Variants in BCAS1 observed in about 807,000 individuals in gnomAD.
BCAS1 encodes the protein brain enriched myelin associated protein 1.
In BCAS1, 46 loss-of-function variants were observed where a neutral mutation model predicts 65.4. The ratio of observed to expected loss-of-function variants is 0.70; its 90% confidence interval spans 0.55 to 0.90. The LOEUF (loss-of-function observed/expected upper bound fraction) is 0.90, where lower values mean the gene tolerates loss of function less well. Among genes scored for constraint, BCAS1 ranks in the 40% least tolerant of loss-of-function variants. BCAS1 has a pLI of 0.00. For synonymous variants in BCAS1, 298 were observed against 293.5 expected (o/e 1.02, Z -0.16); for missense variants, 793 against 771.2 (o/e 1.03, Z -0.33).
intron 11 of BCAS1, among the ~76,000 whole-genome samples, chr20:53,954,487 A>G (rs1389898257): frequency 6.6e-6 from 1 of 152,174 alleles, no homozygotes; most frequent in Non-Finnish European, 1.5e-5. Context: ...TCATAATTAC[A>G]TCTACCCTAA....
intron 10 of BCAS1, among the ~76,000 whole-genome samples, chr20:53,960,712 CCTCT>C (rs1375501045): frequency 6.6e-6 from 1 of 151,790 alleles, no homozygotes; most frequent in Non-Finnish European, 1.5e-5. Flanking sequence ...TTCCTCTCGT[CCTCT>C]CTCTCTCCCT....
rs143651969 is a variant in BCAS1, at chr20:54,041,855, T to TGCCACTGTGCCACTGC, written c.143-12884_143-12883insGCAGTGGCACAGTGGC. On this transcript the variant is annotated intron_variant, in intron 3 of 12. Coordinates refer to ENST00000688948, the MANE Select transcript of BCAS1 (RefSeq NM_001366298.2). ...CAGAGGTTGCAGTGAGCCGAGATTG[T>TGCCACTGTGCCACTGC]GCCACTGCACTCTAACCTGGGCAAC... Among the ~76,000 whole-genome samples the TGCCACTGTGCCACTGC allele has an allele frequency of 5.9e-3, 777 of 130,772 alleles. 6 individuals carry two copies. The highest frequency in any genetic ancestry group is 0.038 in the Middle Eastern group (8 of 212). 85.8% of individuals were successfully genotyped at this position (130,772 alleles called of 152,430 possible).
chr20:53,972,874 T>C (rs2145677415), intron 9 of BCAS1, among the ~76,000 whole-genome samples: 1 of 152,366 alleles, frequency 6.6e-6, no homozygotes, highest in South Asian at 2.1e-4. Context: ...GGCCTGAAGA[T>C]GATGGGATCA....
chr20:53,988,724 G>A (rs1468775391), intron 7 of BCAS1, among the ~76,000 whole-genome samples: 1 of 152,024 alleles, frequency 6.6e-6, no homozygotes, highest in Non-Finnish European at 1.5e-5. Flanking sequence ...ATTTCCCAAT[G>A]GTACTATCAA....
At chr20:54,008,867 A>G (rs949352031) in intron 4 of BCAS1, among the ~76,000 whole-genome samples, 2 of 151,550 alleles carry the variant, frequency 1.3e-5, no homozygotes, top group East Asian at 1.9e-4. Context: ...GTGTAATGGC[A>G]CAATGGCACA....
chr20:54,004,109 T>C (rs1210661292), intron 4 of BCAS1, among the ~76,000 whole-genome samples: 1 of 152,178 alleles, frequency 6.6e-6, no homozygotes, highest in Non-Finnish European at 1.5e-5. Flanking sequence ...TAACTTCTGA[T>C]GTGATGGTAT....
chr20:53,968,405 T>TAGG (rs1440556599), intron 9 of BCAS1, among the ~76,000 whole-genome samples: 1 of 152,176 alleles, frequency 6.6e-6, no homozygotes, highest in Non-Finnish European at 1.5e-5. Flanking sequence ...GAAGGGGACT[T>TAGG]AGTTATTTCC....
chr20:54,039,860 C>A (rs372693081), intron 3 of BCAS1, among the ~76,000 whole-genome samples: 1 of 151,326 alleles, frequency 6.6e-6, no homozygotes, highest in Non-Finnish European at 1.5e-5. Flanking sequence ...CACACAAACA[C>A]GTATAAGCAT....
chr20:54,050,107 C>T (rs1051675563), intron 3 of BCAS1, among the ~76,000 whole-genome samples: 1 of 152,142 alleles, frequency 6.6e-6, no homozygotes, highest in African/African-American at 2.4e-5. Context: ...CTCCATTCTC[C>T]AGCTTCCAGT....
intron 4 of BCAS1, among the ~76,000 whole-genome samples, chr20:54,027,211 A>T (rs1300530987): frequency 6.6e-6 from 1 of 152,236 alleles, no homozygotes; most frequent in Non-Finnish European, 1.5e-5. Flanking sequence ...TGACAGTAAG[A>T]GCCTAAAACA....
At chr20:53,995,439 G>A (rs1440703300) in intron 5 of BCAS1, among the ~76,000 whole-genome samples, 6 of 150,228 alleles carry the variant, frequency 4.0e-5, no homozygotes, top group Non-Finnish European at 8.9e-5. Flanking sequence ...TTTGAAAATA[G>A]CCCAAACACA....
intron 1 of BCAS1, among the ~76,000 whole-genome samples, chr20:54,065,243 A>G (rs934452684): frequency 1.3e-5 from 2 of 151,626 alleles, no homozygotes; most frequent in African/African-American, 4.8e-5. Flanking sequence ...TTTTGGTACC[A>G]ATTTTCCAGG....
intron 3 of BCAS1, among the ~76,000 whole-genome samples, chr20:54,036,740 T>C (rs1478581987): frequency 6.6e-6 from 1 of 151,494 alleles, no homozygotes; most frequent in Non-Finnish European, 1.5e-5. Context: ...GTTATACTAA[T>C]ATGTTATTAA....
At position 53,943,754 on chromosome 20, in the gene BCAS1, T is replaced by C. The variant is rs2089215403; in HGVS notation, c.*1168A>G. 2 of 152,046 alleles carry C rather than the reference T, an allele frequency of 1.3e-5. No homozygotes were observed. Among genetic ancestry groups the C allele is most frequent in the African/African-American group, 4.8e-5 (2 of 41,390 alleles). The allele number at this position is 152,046 out of a possible 1,614,324, so 9.4% of individuals were successfully genotyped here. A position where few individuals can be genotyped will look rare whatever the true frequency, so the allele number is the denominator to read the frequency against. ...ATGGGGAGGGTTTTATCAGAGCACA[T>C]CCTGAGAACATTAGGAATGACAGAC... On this transcript the variant is annotated 3_prime_UTR_variant, in exon 13 of 13. Transcript: ENST00000688948.
At chr20:54,008,394 G>A (rs1026670544) in intron 4 of BCAS1, among the ~76,000 whole-genome samples, 1 of 152,210 alleles carries the variant, frequency 6.6e-6, no homozygotes, top group Non-Finnish European at 1.5e-5. Context: ...CCACTGGGGT[G>A]GTGTGAGAAG....
chr20:54,007,342 T>C (rs1157317884), intron 4 of BCAS1, among the ~76,000 whole-genome samples: 2 of 152,176 alleles, frequency 1.3e-5, no homozygotes, highest in Non-Finnish European at 2.9e-5. Context: ...TACTAAAATA[T>C]CAAGTGGACC....
chr20:53,987,146 T>A (rs751298613), intron 7 of BCAS1, among the ~76,000 whole-genome samples: 1 of 152,216 alleles, frequency 6.6e-6, no homozygotes, highest in Non-Finnish European at 1.5e-5. Flanking sequence ...TACTATTTGA[T>A]GCAAGACACA....
intron 4 of BCAS1, among the ~76,000 whole-genome samples, chr20:54,007,143 T>C (rs2299721): frequency 0.1 from 15,232 of 152,202 alleles, 967 homozygotes; most frequent in East Asian, 0.31. Context: ...TGCTCCCCAG[T>C]GCTCATCACA....
At chr20:53,945,029 T>C (rs1334796216) in intron 12 of BCAS1, 33 bp from the exon 13 acceptor site, 14 of 1,593,200 alleles carry the variant, frequency 8.8e-6, no homozygotes, top group Non-Finnish European at 1.1e-5. Context: ...GGCAGCCTAT[T>C]GAAGCTCTGT....
Sources: allele counts gnomAD v4.1 joint callset (sites outside exome capture counted in the v4.1 genomes callset), GRCh38; gene constraint gnomAD v4.1.1; transcripts MANE v1.5; gene names NCBI Gene and HGNC (gene_info 2026-07-23, HGNC 2026-07-21).